The following CDKN3 variants were observed in gnomAD, a reference collection of about 807,000 sequenced individuals.
CDKN3 encodes cyclin dependent kinase inhibitor 3.
CDKN3 carries 19 observed loss-of-function variants against 36.1 expected under a neutral mutation model. The ratio of observed to expected loss-of-function variants is 0.53; its 90% confidence interval spans 0.37 to 0.77. CDKN3 has a LOEUF of 0.77. Among genes scored for constraint, CDKN3 ranks in the 30% least tolerant of loss-of-function variants. The pLI, the probability that CDKN3 is intolerant of heterozygous loss-of-function variation, is 0.00. For missense variants in CDKN3, 188 were observed against 248.6 expected (o/e 0.76, Z 1.64); for synonymous variants, 71 against 85.3 (o/e 0.83, Z 0.92).
chr14:54,417,266 C>A (rs4251658), intron 6 of CDKN3, among the ~76,000 whole-genome samples: 1 of 151,924 alleles, frequency 6.6e-6, no homozygotes, highest in Non-Finnish European at 1.5e-5. Context: ...CATCAGTTGA[C>A]GAACAGATAA....
At chr14:54,398,489 G>A (rs1168122929) in intron 1 of CDKN3, among the ~76,000 whole-genome samples, 1 of 152,166 alleles carries the variant, frequency 6.6e-6, no homozygotes, top group Non-Finnish European at 1.5e-5. Flanking sequence ...CCTGTGACTG[G>A]GTGGATACAT....
At chr14:54,402,245 G>A (rs927394029) in intron 3 of CDKN3, among the ~76,000 whole-genome samples, 2 of 151,410 alleles carry the variant, frequency 1.3e-5, no homozygotes, top group Admixed American at 6.6e-5. Flanking sequence ...AGTTCCACCC[G>A]GGTTGCTGTG....
chr14:54,415,776 T>G, intron 5 of CDKN3, 123 bp from the exon 6 acceptor site: 2 of 745,496 alleles, frequency 2.7e-6, no homozygotes, highest in South Asian at 3.2e-5. Context: ...TTTATTAATC[T>G]TCGTGTGCAA....
chr14:54,401,442 G>A, intron 2 of CDKN3, 82 bp from the exon 3 acceptor site: 1 of 821,536 alleles, frequency 1.2e-6, no homozygotes, highest in Non-Finnish European at 2.0e-6. Context: ...TTGGTGGCAA[G>A]CACCCATATT....
At chr14:54,405,733 C>T (rs569244614) in intron 3 of CDKN3, among the ~76,000 whole-genome samples, 1 of 152,230 alleles carries the variant, frequency 6.6e-6, no homozygotes, top group African/African-American at 2.4e-5. Flanking sequence ...CTATGTGTGT[C>T]TCTGCACGTG....
intron 3 of CDKN3, among the ~76,000 whole-genome samples, chr14:54,406,257 G>A (rs1254811064): frequency 1.3e-5 from 2 of 152,112 alleles, no homozygotes; most frequent in Non-Finnish European, 2.9e-5. Context: ...CTTTCTCTCT[G>A]GCTGCTCTTT....
intron 3 of CDKN3, among the ~76,000 whole-genome samples, chr14:54,403,752 G>C (rs111764393): frequency 1.3e-5 from 2 of 152,104 alleles, no homozygotes; most frequent in Non-Finnish European, 2.9e-5. Context: ...AGCATGAAGG[G>C]GTGTTGAATT....
rs1245829327 is a variant in CDKN3, at chr14:54,413,497, T to A, written c.416+1791T>A. 7 of 781,736 alleles carry A rather than the reference T, an allele frequency of 9.0e-6. No individual in the cohort carries two copies. The African/African-American group carries it at 1.2e-4, about 13-fold the overall frequency. 48.4% of individuals were successfully genotyped at this position (781,736 alleles called of 1,614,324 possible). On this transcript the variant is annotated intron_variant, in intron 5 of 7. Coordinates refer to ENST00000335183, the MANE Select transcript of CDKN3 (RefSeq NM_005192.4). ...GGCAACCCAAATGCTCTGATGTTTG[T>A]GCAGAGTACAAACAGGATAGACAGT... is the stretch of plus-strand genomic sequence containing the variant.
chr14:54,419,620 A>C (rs1280512236), intron 7 of CDKN3, among the ~76,000 whole-genome samples: 1 of 152,224 alleles, frequency 6.6e-6, no homozygotes, highest in East Asian at 1.9e-4. Flanking sequence ...TATACCAGTT[A>C]CTTGCTACAG....
chr14:54,420,181 G>A lies in CDKN3; in HGVS notation c.*103G>A. ...CAGTGTTATCAACTTGAATGTAAAT[G>A]TACATGTGCAGATATTCCTAAAGTT... On this transcript the variant is annotated 3_prime_UTR_variant, in exon 8 of 8. Coordinates refer to ENST00000335183, the MANE Select transcript of CDKN3 (RefSeq NM_005192.4). 1.6e-6 allele frequency: 1 copy of A among 635,020 alleles called. No individual in the cohort carries two copies. The highest frequency in any genetic ancestry group is 2.8e-6 in the Non-Finnish European group (1 of 361,388). The allele number at this position is 635,020 out of a possible 1,614,324, so 39.3% of individuals were successfully genotyped here.
chr14:54,399,900 T>A lies in CDKN3; in HGVS notation c.16T>A (p.Ser6Thr). The A allele has an allele frequency of 6.4e-7, 1 of 1,559,780 alleles. No individual in the cohort carries two copies. Among genetic ancestry groups the A allele is most frequent in the Non-Finnish European group, 8.8e-7 (1 of 1,131,066 alleles). The change falls in exon 2 of 8, where the codon TCA (serine) becomes ACA (threonine). Residue 6 changes from serine to threonine, a missense_variant. By Grantham distance (58) the Ser-to-Thr change is moderately conservative (BLOSUM62 1). Transcript: ENST00000335183. ...CATAACATTTCTTTTGAAGCCCAGT[T>A]CAATACAAACAAGTGAGTTTGACTC... MKPPS[S>T]IQTSEFDSSD... is the part of the protein sequence containing the mutation.
chr14:54,415,963 G>T (rs370205809), intron 6 of CDKN3, 33 bp downstream of exon 6: 1 of 1,459,574 alleles, frequency 6.9e-7, no homozygotes, highest in African/African-American at 1.4e-5. Context: ...TTTTTTAACC[G>T]CCAAATAGAC....
At chr14:54,400,751 A>G (rs2029910784) in intron 2 of CDKN3, among the ~76,000 whole-genome samples, 1 of 152,106 alleles carries the variant, frequency 6.6e-6, no homozygotes, top group Non-Finnish European at 1.5e-5. Context: ...AATTCATCTA[A>G]TTTTCAAAGT....
chr14:54,415,424 A>G (rs1366376582), intron 5 of CDKN3, among the ~76,000 whole-genome samples: 3 of 152,256 alleles, frequency 2.0e-5, no homozygotes, highest in African/African-American at 7.2e-5. Flanking sequence ...TAAGTGGCAG[A>G]GCCAGGACTG....
At chr14:54,403,549 T>C (rs937725936) in intron 3 of CDKN3, among the ~76,000 whole-genome samples, 18 of 152,214 alleles carry the variant, frequency 1.2e-4, no homozygotes, top group African/African-American at 4.3e-4. Flanking sequence ...CTTGCCTGAT[T>C]CCCCTAGCCA....
At chr14:54,397,155 G>A in intron 1 of CDKN3, 78 bp downstream of exon 1, 2 of 1,390,480 alleles carry the variant, frequency 1.4e-6, no homozygotes, top group Non-Finnish European at 1.9e-6. Flanking sequence ...TCCTGGGCCG[G>A]AGGGCAGCCC....
At chr14:54,397,191 C>T (rs1886331511) in intron 1 of CDKN3, 114 bp downstream of exon 1, 3 of 1,195,660 alleles carry the variant, frequency 2.5e-6, no homozygotes, top group Non-Finnish European at 3.3e-6. Context: ...GCGACTGGCG[C>T]CGTAACCGTT....
chr14:54,397,417 C>T (rs1594596103), intron 1 of CDKN3, among the ~76,000 whole-genome samples: 1 of 152,240 alleles, frequency 6.6e-6, no homozygotes, highest in South Asian at 2.1e-4. Flanking sequence ...GCTTGAGTGT[C>T]AGCGATGAGT....
chr14:54,418,872 C>T (rs1164077797), intron 7 of CDKN3, among the ~76,000 whole-genome samples: 2 of 152,074 alleles, frequency 1.3e-5, no homozygotes, highest in Non-Finnish European at 2.9e-5. Flanking sequence ...AAAAATCAAA[C>T]GATGCGGCCA....
Sources: allele counts gnomAD v4.1 joint callset (sites outside exome capture counted in the v4.1 genomes callset), GRCh38; gene constraint gnomAD v4.1.1; transcripts MANE v1.5; gene names NCBI Gene and HGNC (gene_info 2026-07-23, HGNC 2026-07-21).